NEK1: variants seen among roughly 807,000 people sequenced by gnomAD.
NEK1 encodes NIMA related kinase 1, also known as serine/threonine-protein kinase Nek1.
In NEK1, 137 loss-of-function variants were observed where a neutral mutation model predicts 182.1. The observed-to-expected ratio is 0.75, with a 90% confidence interval of 0.65 to 0.87. The LOEUF is 0.87. NEK1 is among the 40% of genes least tolerant of loss of function. NEK1 has a pLI of 0.00. For synonymous variants in NEK1, 513 were observed against 492.2 expected, an observed-to-expected ratio of 1.04 and a Z score of -0.56; for missense variants, 1,391 against 1,494.4, an observed-to-expected ratio of 0.93 and a Z score of 1.14.
At chr4:169,430,228 G>A (rs1461731287) in intron 29 of NEK1, among the ~76,000 whole-genome samples, 1 of 152,000 alleles carries the variant, frequency 6.6e-6, no homozygotes, top group African/African-American at 2.4e-5. Flanking sequence ...TGTCACCTAG[G>A]CTGGAGTACA....
chr4:169,404,697 G>A (rs2111072603), intron 32 of NEK1, among the ~76,000 whole-genome samples: 1 of 152,222 alleles, frequency 6.6e-6, no homozygotes, highest in Non-Finnish European at 1.5e-5. Flanking sequence ...CAAAAAGTGT[G>A]TAACATTTGT....
intron 31 of NEK1, among the ~76,000 whole-genome samples, chr4:169,408,855 CTTTA>C (rs1340051022): frequency 6.6e-6 from 1 of 152,100 alleles, no homozygotes; most frequent in Non-Finnish European, 1.5e-5. Context: ...TCCACGTTTT[CTTTA>C]TTCACTCGTT....
intron 5 of NEK1, among the ~76,000 whole-genome samples, chr4:169,596,020 C>T (rs558953070): frequency 5.3e-5 from 8 of 151,738 alleles, no homozygotes; most frequent in East Asian, 3.9e-4. Flanking sequence ...AGGGTCCCTG[C>T]GTCGTAAATG....
At chr4:169,606,035 T>C (rs915223362) in intron 2 of NEK1, among the ~76,000 whole-genome samples, 19 of 151,976 alleles carry the variant, frequency 1.3e-4, no homozygotes, top group African/African-American at 3.9e-4. Flanking sequence ...TGCCATTTTA[T>C]AGACCTTGCC....
intron 31 of NEK1, among the ~76,000 whole-genome samples, chr4:169,415,659 G>A (rs1734423426): frequency 6.6e-6 from 1 of 152,192 alleles, no homozygotes; most frequent in Non-Finnish European, 1.5e-5. Context: ...AGGAAGGGCA[G>A]TCTTCTGGAA....
rs56236521 is a variant in NEK1, at chr4:169,465,495, T to C, written c.2435-2100A>G. Among the ~76,000 whole-genome samples, 217 of 152,010 alleles carry C rather than the reference T, an allele frequency of 1.4e-3. 2 individuals carry two copies. The Middle Eastern group carries it at 0.02, about 14-fold the overall frequency. The stretch of plus-strand genomic sequence containing the variant: ...TTCACAGAGAGAGAACTCAGGAAAA[T>C]TGTAAAAAGCCCCTTTGAGTCTTTA... On this transcript the variant is annotated intron_variant, in intron 26 of 35. Coordinates refer to ENST00000507142, the MANE Select transcript of NEK1 (RefSeq NM_001199397.3).
At chr4:169,472,561 A>G (rs1425485734) in intron 26 of NEK1, among the ~76,000 whole-genome samples, 1 of 152,156 alleles carries the variant, frequency 6.6e-6, no homozygotes, top group Non-Finnish European at 1.5e-5. Context: ...GGAACTGCAG[A>G]CCAGAGCTGT....
intron 32 of NEK1, among the ~76,000 whole-genome samples, chr4:169,403,965 T>C (rs117368728): frequency 2.0e-5 from 3 of 152,188 alleles, no homozygotes; most frequent in Admixed American, 2.0e-4. Context: ...AACTTGGTTT[T>C]CGAATTTTTC....
At chr4:169,399,994 G>T (rs1731376412) in intron 35 of NEK1, 1 of 497,740 alleles carries the variant, frequency 2.0e-6, no homozygotes, top group Non-Finnish European at 3.6e-6. Flanking sequence ...TCATTCAAAG[G>T]TTACTTGTAA....
intron 10 of NEK1, among the ~76,000 whole-genome samples, chr4:169,581,322 C>T (rs1306623340): frequency 6.6e-6 from 1 of 152,000 alleles, no homozygotes; most frequent in Non-Finnish European, 1.5e-5. Flanking sequence ...GGCTGGAGTA[C>T]AGTGAGACAA....
chr4:169,492,374 A>G (rs188442270), intron 23 of NEK1, among the ~76,000 whole-genome samples: 1 of 152,240 alleles, frequency 6.6e-6, no homozygotes, highest in African/African-American at 2.4e-5. Flanking sequence ...GGTGGAGAGA[A>G]AGAAAGCAGC....
At chr4:169,554,686 A>C (rs1451269113) in intron 18 of NEK1, 1 of 152,148 alleles carries the variant, frequency 6.6e-6, no homozygotes, top group East Asian at 1.9e-4. Flanking sequence ...GGTGGAGCAC[A>C]GGGGATTTTG....
intron 23 of NEK1, among the ~76,000 whole-genome samples, chr4:169,491,016 G>A (rs139659734): frequency 0.012 from 1,809 of 151,688 alleles, 18 homozygotes; most frequent in Middle Eastern, 0.031. Flanking sequence ...GGTGGCATGC[G>A]CCTGTAGTCC....
chr4:169,513,530 CTT>C (rs138491314), intron 19 of NEK1, among the ~76,000 whole-genome samples: 2 of 152,070 alleles, frequency 1.3e-5, no homozygotes, highest in Admixed American at 1.3e-4. Flanking sequence ...ATAGCAACAA[CTT>C]TATTTCATCT....
chr4:169,431,916 C>A (rs1338317009), intron 29 of NEK1, among the ~76,000 whole-genome samples: 1 of 151,790 alleles, frequency 6.6e-6, no homozygotes, highest in Non-Finnish European at 1.5e-5. Flanking sequence ...CTATATACTT[C>A]AGCATGGCAA....
chr4:169,567,585 A>G lies in NEK1; in HGVS notation c.1021-5389T>C, dbSNP rs1207918092. 4.6e-5 allele frequency among the ~76,000 whole-genome samples: 7 copies of G among 152,160 alleles called. No individual in the cohort carries two copies. The East Asian group carries it at 1.2e-3, about 25-fold the overall frequency. ...TGGTTAATTTTTGTATTTTTACTAG[A>G]GACGGGGTTTTACCATGTTGGTTAG... is the stretch of plus-strand genomic sequence containing the variant. On this transcript the variant is annotated intron_variant, in intron 12 of 35. Coordinates refer to ENST00000507142, the MANE Select transcript of NEK1 (RefSeq NM_001199397.3).
intron 9 of NEK1, among the ~76,000 whole-genome samples, chr4:169,585,895 G>A (rs1256986093): frequency 1.3e-5 from 2 of 152,102 alleles, no homozygotes; most frequent in East Asian, 1.9e-4. Context: ...CAACCTGCTG[G>A]TCTTCATTTA....
chr4:169,477,527 GATA>G, intron 24 of NEK1, 30 bp from the exon 25 acceptor site: 1 of 1,498,028 alleles, frequency 6.7e-7, no homozygotes, highest in Non-Finnish European at 9.1e-7. Context: ...CAGAGGAAGA[GATA>G]ATTTTATTTT....
At chr4:169,557,199 A>G (rs1762286553) in intron 16 of NEK1, among the ~76,000 whole-genome samples, 1 of 152,164 alleles carries the variant, frequency 6.6e-6, no homozygotes, top group East Asian at 1.9e-4. Flanking sequence ...AAGCCTGGAA[A>G]GCCAAGAAAG....
Sources: gnomAD v4.1 joint callset for allele counts (sites outside exome capture counted in the v4.1 genomes callset) on GRCh38, gnomAD v4.1.1 for gene constraint, MANE v1.5 for transcripts, NCBI Gene and HGNC (gene_info 2026-07-23, HGNC 2026-07-21) for gene names.